Variants in PRTFDC1 observed in about 807,000 individuals in gnomAD.
PRTFDC1 encodes the protein phosphoribosyl transferase domain containing 1.
In PRTFDC1, 38 loss-of-function variants were observed where a neutral mutation model predicts 34.6. That is an observed-to-expected ratio of 1.10 (90% CI 0.85 to 1.44). The LOEUF (loss-of-function observed/expected upper bound fraction) is 1.44, where lower values mean the gene tolerates loss of function less well. Among genes scored for constraint, PRTFDC1 ranks in the 40% most tolerant of loss-of-function variants. PRTFDC1 has a pLI of 0.00. For missense variants in PRTFDC1, 270 were observed against 283.0 expected (o/e 0.95, Z 0.33); for synonymous variants, 93 against 98.1 (o/e 0.95, Z 0.31).
chr10:24,907,949 A>G (rs1848562484), intron 3 of PRTFDC1, among the ~76,000 whole-genome samples: 1 of 152,210 alleles, frequency 6.6e-6, no homozygotes. Context: ...TAGGCAACAA[A>G]ATGGCATGAC....
chr10:24,893,831 G>A (rs1848303668), intron 3 of PRTFDC1, among the ~76,000 whole-genome samples: 1 of 152,154 alleles, frequency 6.6e-6, no homozygotes, highest in South Asian at 2.1e-4. Flanking sequence ...GAGCCCTCCT[G>A]TTTGAGCATT....
chr10:24,879,197 T>A (rs567399944), intron 3 of PRTFDC1, among the ~76,000 whole-genome samples: 1 of 152,318 alleles, frequency 6.6e-6, no homozygotes, highest in South Asian at 2.1e-4. Flanking sequence ...CACTCGTTGA[T>A]GTGAGATGTG....
intron 3 of PRTFDC1, among the ~76,000 whole-genome samples, chr10:24,892,047 G>A (rs1434467737): frequency 6.6e-6 from 1 of 152,182 alleles, no homozygotes; most frequent in Non-Finnish European, 1.5e-5. Flanking sequence ...GGCTATTATA[G>A]TGAGTCATGC....
chr10:24,901,640 G>A (rs747657967), intron 3 of PRTFDC1, among the ~76,000 whole-genome samples: 38 of 152,114 alleles, frequency 2.5e-4, no homozygotes, highest in Non-Finnish European at 5.0e-4. Flanking sequence ...GAGGCGAAAG[G>A]ATCGCTTGAG....
intron 7 of PRTFDC1, 36 bp from the exon 8 acceptor site, chr10:24,851,500 C>A: frequency 1.3e-6 from 2 of 1,582,280 alleles, no homozygotes; most frequent in Non-Finnish European, 8.5e-7. Context: ...AAAAAAGGAA[C>A]AAAATTTAGA....
chr10:24,877,269 C>G (rs1377046987), intron 3 of PRTFDC1, among the ~76,000 whole-genome samples: 1 of 152,060 alleles, frequency 6.6e-6, no homozygotes, highest in Non-Finnish European at 1.5e-5. Context: ...AACTGGGCTA[C>G]AGTGATCCTC....
chr10:24,891,305 C>G (rs1848257666), intron 3 of PRTFDC1, among the ~76,000 whole-genome samples: 1 of 152,068 alleles, frequency 6.6e-6, no homozygotes, highest in Admixed American at 6.6e-5. Context: ...ATACCCTTAA[C>G]ATAATGCAGT....
chr10:24,885,345 C>T (rs1007103347), intron 3 of PRTFDC1, among the ~76,000 whole-genome samples: 2 of 152,196 alleles, frequency 1.3e-5, no homozygotes, highest in Non-Finnish European at 2.9e-5. Context: ...AATCACACTC[C>T]TTAATATTTA....
At chr10:24,925,266 C>T (rs1018815541) in intron 3 of PRTFDC1, among the ~76,000 whole-genome samples, 1 of 152,020 alleles carries the variant, frequency 6.6e-6, no homozygotes. Context: ...GGGAGTTGAA[C>T]AATGAGAACA....
intron 3 of PRTFDC1, among the ~76,000 whole-genome samples, chr10:24,898,283 C>T (rs566322810): frequency 2.1e-4 from 12 of 57,904 alleles, no homozygotes; most frequent in African/African-American, 6.3e-4. Flanking sequence ...AATCCCGTCT[C>T]TACAAAAAAA....
At chr10:24,882,892 A>G (rs1848103601) in intron 3 of PRTFDC1, among the ~76,000 whole-genome samples, 2 of 151,558 alleles carry the variant, frequency 1.3e-5, no homozygotes, top group Admixed American at 6.6e-5. Context: ...CCGAAAATAT[A>G]AAAATATGAA....
Position 24,891,570 on chromosome 10 carries a change from A to G in PRTFDC1, c.340-19507T>C, listed in dbSNP as rs940234025. ...CACTTTGGGGAGCTGAGGCAGGATG[A>G]TGGCTTGAGCTCAGGACTTCAAGAC... On this transcript the variant is annotated intron_variant, in intron 3 of 8. Coordinates refer to ENST00000320152, the MANE Select transcript of PRTFDC1 (RefSeq NM_020200.7). Among the ~76,000 whole-genome samples, 3 of 152,018 alleles carry G rather than the reference A, an allele frequency of 2.0e-5. No individual in the cohort carries two copies. In the East Asian group the frequency reaches 5.8e-4, roughly 29 times the overall value.
At chr10:24,880,333 A>G (rs995402821) in intron 3 of PRTFDC1, among the ~76,000 whole-genome samples, 3 of 151,514 alleles carry the variant, frequency 2.0e-5, no homozygotes, top group Non-Finnish European at 2.9e-5. Context: ...GCTCACTGCA[A>G]CCTCTGCCTC....
At chr10:24,942,506 A>G (rs985425490) in intron 1 of PRTFDC1, 70 bp from the exon 2 acceptor site, 2 of 1,238,456 alleles carry the variant, frequency 1.6e-6, no homozygotes, top group Non-Finnish European at 2.4e-6. Flanking sequence ...ACAAAAGAGT[A>G]TCACTTGAGA....
At chr10:24,924,473 G>T (rs530855330) in intron 3 of PRTFDC1, among the ~76,000 whole-genome samples, 2 of 152,224 alleles carry the variant, frequency 1.3e-5, no homozygotes, top group South Asian at 4.1e-4. Flanking sequence ...AGACAAATGG[G>T]ATCTAATTAA....
chr10:24,857,110 T>C (rs1847592501), intron 5 of PRTFDC1, 115 bp from the exon 6 acceptor site: 1 of 895,350 alleles, frequency 1.1e-6, no homozygotes, highest in South Asian at 1.4e-5. Context: ...TGCCATCCAA[T>C]TTGGAGCCAC....
intron 3 of PRTFDC1, among the ~76,000 whole-genome samples, chr10:24,906,831 C>A (rs1267448534): frequency 6.6e-6 from 1 of 152,164 alleles, no homozygotes; most frequent in Non-Finnish European, 1.5e-5. Flanking sequence ...GCATCACAAT[C>A]TTTGGTTCTA....
chr10:24,869,347 A>G (rs548748379), intron 4 of PRTFDC1, among the ~76,000 whole-genome samples: 20 of 152,340 alleles, frequency 1.3e-4, no homozygotes, highest in Middle Eastern at 3.4e-3. Context: ...AACTCACTCC[A>G]TAAGACCAAA....
intron 4 of PRTFDC1, among the ~76,000 whole-genome samples, chr10:24,866,644 C>T (rs943127469): frequency 3.3e-5 from 5 of 151,890 alleles, no homozygotes; most frequent in East Asian, 1.9e-4. Context: ...TTAAACACAC[C>T]GAATAAAATG....
Sources: gnomAD v4.1 joint callset for allele counts (sites outside exome capture counted in the v4.1 genomes callset) on GRCh38, gnomAD v4.1.1 for gene constraint, MANE v1.5 for transcripts, NCBI Gene and HGNC (gene_info 2026-07-23, HGNC 2026-07-21) for gene names.